GSTA2: variants seen among roughly 807,000 people sequenced by gnomAD.
The protein encoded by GSTA2 is glutathione S-transferase alpha 2, also known as glutathione S-transferase A2.
GSTA2 carries 27 observed loss-of-function variants against 22.4 expected under a neutral mutation model. That is an observed-to-expected ratio of 1.21 (90% confidence interval 0.89 to 1.67). GSTA2 has a LOEUF of 1.67. Among genes scored for constraint, GSTA2 ranks in the 40% most tolerant of loss-of-function variants. GSTA2 has a pLI of 0.00. For missense variants in GSTA2, 302 were observed against 260.2 expected (o/e 1.16, Z -1.11); for synonymous variants, 121 against 86.8 (o/e 1.39, Z -2.19).
rs1762879398 is a variant in GSTA2, at chr6:52,757,964, A to T, written c.-17T>A. On this transcript the variant is annotated 5_prime_UTR_variant, in exon 2 of 7. Coordinates refer to ENST00000493422, the MANE Select transcript of GSTA2 (RefSeq NM_000846.5). ...CTCTGCCATGGTAGCAGTCTCCTGG[A>T]GGTTTCTCTAAGCCTGAGTGAATGA... is the stretch of plus-strand genomic sequence containing the variant. The T allele has an allele frequency of 6.3e-7, 1 of 1,581,054 alleles. No homozygotes were observed. The highest frequency in any genetic ancestry group is 8.7e-7 in the Non-Finnish European group (1 of 1,150,646).
At chr6:52,761,344 G>C (rs1290083191) in intron 1 of GSTA2, among the ~76,000 whole-genome samples, 1 of 152,022 alleles carries the variant, frequency 6.6e-6, no homozygotes, top group African/African-American at 2.4e-5. Flanking sequence ...TATAATCTCT[G>C]TCTACCCATC....
chr6:52,753,584 G>T (rs1473348539), intron 4 of GSTA2, among the ~76,000 whole-genome samples: 2 of 152,068 alleles, frequency 1.3e-5, no homozygotes, highest in Non-Finnish European at 2.9e-5. Flanking sequence ...CCCAACTCTA[G>T]CCATGTGTGC....
intron 1 of GSTA2, among the ~76,000 whole-genome samples, chr6:52,758,955 G>T (rs1009062): frequency 0.52 from 79,362 of 151,980 alleles, 22,078 homozygotes; most frequent in East Asian, 0.7. Context: ...AAAGTAACTT[G>T]CTCAGAGTAA....
intron 5 of GSTA2, 131 bp from the exon 6 acceptor site, chr6:52,751,839 C>T (rs1316734907): frequency 2.3e-6 from 3 of 1,295,744 alleles, no homozygotes; most frequent in Non-Finnish European, 3.3e-6. Context: ...AAATCCCGAG[C>T]TTTCTCCACA....
chr6:52,756,470 C>A (rs1447215649), intron 2 of GSTA2, among the ~76,000 whole-genome samples, 161 bp from the exon 3 acceptor site: 1 of 152,156 alleles, frequency 6.6e-6, no homozygotes, highest in Non-Finnish European at 1.5e-5. Flanking sequence ...AAATTTAGAC[C>A]TAATTCATTG....
intron 4 of GSTA2, among the ~76,000 whole-genome samples, chr6:52,753,811 A>G (rs1415489089): frequency 1.3e-5 from 2 of 152,218 alleles, no homozygotes; most frequent in East Asian, 3.8e-4. Flanking sequence ...ATCACAGTCT[A>G]ATTGCAGAAT....
chr6:52,761,545 TTC>T (rs1249795288), intron 1 of GSTA2, among the ~76,000 whole-genome samples: 1 of 150,736 alleles, frequency 6.6e-6, no homozygotes, highest in Non-Finnish European at 1.5e-5. Context: ...GGCTCTCTGT[TTC>T]TCTCTCTCTT....
chr6:52,757,856 C>G lies in GSTA2; in HGVS notation c.87+5G>C. On this transcript the variant is annotated splice_donor_5th_base_variant and intron_variant, in intron 2 of 6. Transcript: ENST00000493422. ...TGACTTAAGATGACCTAACTCAGAA[C>G]CTACCTCTACTCCAGCTGCAGCCAG... The G allele has an allele frequency of 6.2e-7, 1 of 1,611,630 alleles. No individual in the cohort carries two copies. Among genetic ancestry groups the G allele is most frequent in the Non-Finnish European group, 8.5e-7 (1 of 1,177,846 alleles).
At chr6:52,754,344 A>G (rs1455706037) in intron 4 of GSTA2, among the ~76,000 whole-genome samples, 1 of 152,218 alleles carries the variant, frequency 6.6e-6, no homozygotes, top group African/African-American at 2.4e-5. Flanking sequence ...TCTCATCACA[A>G]CAACAAGGAG....
intron 4 of GSTA2, among the ~76,000 whole-genome samples, chr6:52,753,847 T>C (rs111605848): frequency 6.6e-6 from 1 of 152,346 alleles, no homozygotes; most frequent in East Asian, 1.9e-4. Flanking sequence ...GATAAGGACA[T>C]CTGTACCATT....
intron 3 of GSTA2, among the ~76,000 whole-genome samples, chr6:52,755,569 T>C (rs895010333): frequency 1.3e-5 from 2 of 152,226 alleles, no homozygotes; most frequent in African/African-American, 2.4e-5. Flanking sequence ...AGTTTCCTTT[T>C]AGTTTTTATC....
Position 52,756,236 on chromosome 6 carries a change from G to A in GSTA2, c.139+22C>T, listed in dbSNP as rs912494140. On this transcript the variant is annotated intron_variant, in intron 3 of 6. Transcript: ENST00000493422. ...CCTTCTACTAGATACCCTCATTAGA[G>A]AAACTTAGAGGTTGATCTTACCATT... is the stretch of plus-strand genomic sequence containing the variant. 4.4e-6 allele frequency: 7 copies of A among 1,578,470 alleles called. No individual in the cohort carries two copies. The African/African-American group carries it at 5.4e-5, about 12-fold the overall frequency.
intron 5 of GSTA2, among the ~76,000 whole-genome samples, chr6:52,752,518 G>T (rs1020284010): frequency 1.3e-5 from 2 of 152,158 alleles, no homozygotes; most frequent in Admixed American, 1.3e-4. Flanking sequence ...CCTGTTCAAA[G>T]TCCATGGGGT....
In GSTA2 at chr6:52,759,563, G is replaced by GTTTTTTTTT. The variant is rs70977382; in HGVS notation, c.-30-1595_-30-1587dup. Among the ~76,000 whole-genome samples, 121 of 34,190 alleles carry GTTTTTTTTT rather than the reference G, an allele frequency of 3.5e-3. 39 individuals are homozygous for GTTTTTTTTT. The highest frequency in any genetic ancestry group is 4.5e-3 in the Non-Finnish European group (75 of 16,552). The allele number at this position is 34,190 out of a possible 152,430, so 22.4% of individuals were successfully genotyped here. A position where few individuals can be genotyped will look rare whatever the true frequency, so the allele number is the denominator to read the frequency against. On this transcript the variant is annotated intron_variant, in intron 1 of 6. Coordinates refer to ENST00000493422, the MANE Select transcript of GSTA2 (RefSeq NM_000846.5). ...CCTTTAACAACTAATGTATTTATTT[G>GTTTTTTTTT]TTTTTTTTTTTTTTTTTTTTTTTTT...
At chr6:52,756,390 C>T in intron 2 of GSTA2, 81 bp from the exon 3 acceptor site, 1 of 1,101,528 alleles carries the variant, frequency 9.1e-7, no homozygotes, top group Non-Finnish European at 1.4e-6. Flanking sequence ...CTATCTGGTG[C>T]ATCATTTGGA....
intron 3 of GSTA2, 71 bp downstream of exon 3, chr6:52,756,187 C>T (rs1273138354): frequency 2.0e-5 from 21 of 1,032,470 alleles, no homozygotes; most frequent in East Asian, 9.6e-5. Flanking sequence ...TAGACATTGC[C>T]GGCTGCGCAA....
At chr6:52,755,243 A>G (rs1762818491) in intron 3 of GSTA2, among the ~76,000 whole-genome samples, 168 bp from the exon 4 acceptor site, 1 of 141,850 alleles carries the variant, frequency 7.0e-6, no homozygotes, top group Non-Finnish European at 1.5e-5. Flanking sequence ...GAGGCAGAGT[A>G]TCATTCTGTT....
chr6:52,752,021 G>T (rs571126129), intron 5 of GSTA2, among the ~76,000 whole-genome samples: 1 of 152,302 alleles, frequency 6.6e-6, no homozygotes, highest in African/African-American at 2.4e-5. Context: ...TGTTCTGTCT[G>T]CCCCAGGCCC....
At chr6:52,761,205 G>T (rs923642379) in intron 1 of GSTA2, among the ~76,000 whole-genome samples, 1 of 152,188 alleles carries the variant, frequency 6.6e-6, no homozygotes, top group Non-Finnish European at 1.5e-5. Context: ...CAGGGTGTTT[G>T]CTCTTGTCCC....
Sources: allele counts gnomAD v4.1 joint callset (sites outside exome capture counted in the v4.1 genomes callset), GRCh38; gene constraint gnomAD v4.1.1; transcripts MANE v1.5; gene names NCBI Gene and HGNC (gene_info 2026-07-23, HGNC 2026-07-21).